The following ENDOV variants were observed in gnomAD, a reference collection of about 807,000 sequenced individuals.
ENDOV encodes the protein endonuclease V.
A neutral mutation model predicts 39.4 loss-of-function variants in ENDOV; 37 were observed. The observed-to-expected ratio is 0.94, with a 90% CI of 0.72 to 1.23. The LOEUF is 1.23. Among genes scored for constraint, ENDOV ranks in the 50% most tolerant of loss-of-function variants. The probability of loss-of-function intolerance (pLI) is 0.00; values close to 1 mark genes in which losing one functional copy is unlikely to be tolerated. For synonymous variants in ENDOV, 186 were observed against 163.4 expected (o/e 1.14, Z -1.05); for missense variants, 441 against 375.7 (o/e 1.17, Z -1.44).
Position 80,438,059 on chromosome 17 carries a change from G to A in ENDOV, c.*1916G>A, listed in dbSNP as rs1234660741. 6.6e-6 allele frequency: 1 copy of A among 152,198 alleles called. No individual in the cohort carries two copies. Among genetic ancestry groups the A allele is most frequent in the Non-Finnish European group, 1.5e-5 (1 of 68,046 alleles). The allele number at this position is 152,198 out of a possible 1,614,324, so 9.4% of individuals were successfully genotyped here. A position where few individuals can be genotyped will look rare whatever the true frequency, so the allele number is the denominator to read the frequency against. On this transcript the variant is annotated 3_prime_UTR_variant, in exon 10 of 10. Coordinates refer to ENST00000518137, the MANE Select transcript of ENDOV (RefSeq NM_173627.5). ...GTCTAGGATTCTCAGTAAGACCTTT[G>A]AATAAAACTAACTTGAATTCTTCAA...
chr17:80,429,388 C>T (rs1210361509), intron 8 of ENDOV, among the ~76,000 whole-genome samples: 1 of 152,194 alleles, frequency 6.6e-6, no homozygotes, highest in Non-Finnish European at 1.5e-5. Context: ...GAGAGGACAC[C>T]CCCACTCCCT....
chr17:80,428,688 A>G (rs2083031977), intron 8 of ENDOV, 28 bp downstream of exon 8: 2 of 1,558,258 alleles, frequency 1.3e-6, no homozygotes, highest in Non-Finnish European at 1.7e-6. Context: ...CTGGGGCACT[A>G]AAGGGGCATC....
chr17:80,435,198 G>C (rs1309515070), intron 9 of ENDOV, among the ~76,000 whole-genome samples: 1 of 152,048 alleles, frequency 6.6e-6, no homozygotes, highest in Non-Finnish European at 1.5e-5. Context: ...TTATTTTCTT[G>C]TTAGTGTCCT....
chr17:80,415,561 G>C (rs1001688937), intron 1 of ENDOV, 89 bp from the exon 2 acceptor site: 4 of 1,472,412 alleles, frequency 2.7e-6, no homozygotes, highest in Admixed American at 4.2e-5. Flanking sequence ...AGACCCGGCA[G>C]AGGCGCTCTG....
chr17:80,433,050 C>A lies in ENDOV; in HGVS notation c.839-3083C>A, dbSNP rs1020610821. On this transcript the variant is annotated intron_variant, in intron 9 of 9. Transcript: ENST00000518137. ...CCCAAACAAATGCCTCTCCCCTCTC[C>A]ACACTCACTGGCATTCCCACAGAAT... 1.0e-4 allele frequency: 52 copies of A among 514,194 alleles called. 1 individual carries two copies. The highest frequency in any genetic ancestry group is 1.9e-4 in the Non-Finnish European group (50 of 257,368). The allele number at this position is 514,194 out of a possible 1,614,324, so 31.9% of individuals were successfully genotyped here. A position where few individuals can be genotyped will look rare whatever the true frequency, so the allele number is the denominator to read the frequency against.
At chr17:80,416,187 A>G (rs2081130530) in intron 2 of ENDOV, 1 of 176,054 alleles carries the variant, frequency 5.7e-6, no homozygotes, top group African/African-American at 2.5e-5. Context: ...CGGTGAGCCA[A>G]CATCACGCCA....
At chr17:80,433,344 T>C (rs1052237752) in intron 9 of ENDOV, among the ~76,000 whole-genome samples, 9 of 152,186 alleles carry the variant, frequency 5.9e-5, no homozygotes, top group Admixed American at 3.9e-4. Flanking sequence ...GGGAAGGCTG[T>C]TGGTTTGGAG....
intron 2 of ENDOV, 104 bp from the exon 3 acceptor site, chr17:80,421,724 C>T (rs562816604): frequency 3.1e-4 from 447 of 1,432,322 alleles, no homozygotes; most frequent in Middle Eastern, 4.3e-4. Context: ...ATGAGGGTGA[C>T]GTAAGGGAGA....
At position 80,425,640 on chromosome 17, in the gene ENDOV, G is replaced by T; in HGVS notation, c.714+20G>T. 1.3e-6 allele frequency: 2 copies of T among 1,563,106 alleles called. No homozygotes were observed. Among genetic ancestry groups the T allele is most frequent in the East Asian group, 4.7e-5 (2 of 42,754 alleles). Reference sequence around the variant, plus strand: ...CGCCAGGTGGGTGTGCTGGGGATGCGGGGAGGCAGCACAGGCTCCTCTGCT... The same window carrying T: ...CGCCAGGTGGGTGTGCTGGGGATGCTGGGAGGCAGCACAGGCTCCTCTGCT... On this transcript the variant is annotated intron_variant, in intron 7 of 9. Coordinates refer to ENST00000518137, the MANE Select transcript of ENDOV (RefSeq NM_173627.5).
intron 4 of ENDOV, 34 bp downstream of exon 4, chr17:80,422,279 T>C (rs1599364565): frequency 6.2e-7 from 1 of 1,612,440 alleles, no homozygotes; most frequent in Non-Finnish European, 8.5e-7. Flanking sequence ...GGGAGGGCAC[T>C]GTGGGGAAGA....
Position 80,415,781 on chromosome 17 carries a change from C to G in ENDOV, c.188C>G (p.Ala63Gly). The G allele has an allele frequency of 6.2e-7, 1 of 1,603,792 alleles. No homozygotes were observed. The change falls in exon 2 of 10, where the codon GCT becomes GGT. Residue 63 changes from alanine (A) to glycine (G), a missense_variant. Coordinates refer to ENST00000518137, the MANE Select transcript of ENDOV (RefSeq NM_173627.5). Reference protein sequence around the residue: ...VSFVKGDSVRACASLVVLSFP... With the variant: ...VSFVKGDSVRGCASLVVLSFP... Reference sequence around the variant, plus strand: ...TTCGTGAAAGGGGACAGTGTCCGCGCTTGTGCTTCCCTGGTGGTGCTCAGC... The same window carrying G: ...TTCGTGAAAGGGGACAGTGTCCGCGGTTGTGCTTCCCTGGTGGTGCTCAGC...
At chr17:80,424,952 C>G in intron 5 of ENDOV, 80 bp from the exon 6 acceptor site, 1 of 1,258,084 alleles carries the variant, frequency 7.9e-7, no homozygotes, top group African/African-American at 1.5e-5. Flanking sequence ...GACACTCCGT[C>G]TCAAAAAATA....
At chr17:80,421,238 A>G (rs1158442565) in intron 2 of ENDOV, among the ~76,000 whole-genome samples, 1 of 76,848 alleles carries the variant, frequency 1.3e-5, no homozygotes. Context: ...TCTAGGCTTC[A>G]GGGGCTCATC....
intron 9 of ENDOV, chr17:80,430,499 G>A (rs1599462064): frequency 7.0e-6 from 5 of 716,972 alleles, no homozygotes; most frequent in Admixed American, 3.0e-5. Context: ...GCCCTGACAC[G>A]GGAGGGGTCC....
intron 7 of ENDOV, among the ~76,000 whole-genome samples, chr17:80,428,012 C>T (rs1000246146): frequency 6.6e-6 from 1 of 152,250 alleles, no homozygotes; most frequent in Non-Finnish European, 1.5e-5. Flanking sequence ...GGCCAGACCC[C>T]CCATGCCCCC....
At position 80,427,945 on chromosome 17, in the gene ENDOV, G is replaced by T. The variant is rs1022564045; in HGVS notation, c.715-651G>T. The T allele has an allele frequency of 3.6e-6, 4 of 1,123,948 alleles. No homozygotes were observed. The South Asian group carries it at 4.5e-5, about 13-fold the overall frequency. 69.6% of individuals were successfully genotyped at this position (1,123,948 alleles called of 1,614,324 possible). A position where few individuals can be genotyped will look rare whatever the true frequency, so the allele number is the denominator to read the frequency against. ...GATTAGCCGTTGCTTTCCATGAGTC[G>T]TGCAGCCCTGAAGCTAATCTAAGCT... On this transcript the variant is annotated intron_variant, in intron 7 of 9. Transcript: ENST00000518137.
At position 80,425,037 on chromosome 17, in the gene ENDOV, A is replaced by G; in HGVS notation, c.522A>G (p.Arg174=). 1 of 1,611,138 alleles carries G rather than the reference A, an allele frequency of 6.2e-7. No homozygotes were observed. Among genetic ancestry groups the G allele is most frequent in the Non-Finnish European group, 8.5e-7 (1 of 1,178,964 alleles). ...TTTTTCCCTCCATTTTCCAGATCCG[A>G]CTCCTGCAGACTCGAGGAGACTCAT... ...ENNALHKEKI[R]LLQTRGDSFP... is the part of the protein sequence containing the mutation. Residue 174 remains arginine (R), a synonymous_variant, in exon 6 of 10, where the codon CGA becomes CGG. Coordinates refer to ENST00000518137, the MANE Select transcript of ENDOV (RefSeq NM_173627.5).
chr17:80,419,620 C>T, intron 2 of ENDOV: 1 of 702,944 alleles, frequency 1.4e-6, no homozygotes, highest in Non-Finnish European at 2.6e-6. Context: ...AACGGATCTT[C>T]CCTGCCTTCT....
chr17:80,427,790 C>G, intron 7 of ENDOV: 1 of 1,289,060 alleles, frequency 7.8e-7, no homozygotes, highest in Non-Finnish European at 1.0e-6. Context: ...GGCGCTGCGG[C>G]GCTCCTGGTT....
Sources: gnomAD v4.1 joint callset for allele counts (sites outside exome capture counted in the v4.1 genomes callset) on GRCh38, gnomAD v4.1.1 for gene constraint, MANE v1.5 for transcripts, NCBI Gene and HGNC (gene_info 2026-07-23, HGNC 2026-07-21) for gene names.